MDGA2: variants seen among roughly 807,000 people sequenced by gnomAD.
MDGA2 encodes the protein MAM domain containing glycosylphosphatidylinositol anchor 2.
MDGA2 carries 40 observed loss-of-function variants against 117.8 expected under a neutral mutation model. The observed-to-expected ratio is 0.34, with a 90% CI of 0.26 to 0.44. The LOEUF is 0.44. Among genes scored for constraint, MDGA2 ranks in the 20% least tolerant of loss-of-function variants. The probability of loss-of-function intolerance (pLI) is 1.00; values close to 1 mark genes in which losing one functional copy is unlikely to be tolerated. For synonymous variants in MDGA2, 452 were observed against 439.0 expected (o/e 1.03, Z -0.37); for missense variants, 1,123 against 1,250.6 (o/e 0.90, Z 1.54).
intron 10 of MDGA2, among the ~76,000 whole-genome samples, chr14:46,901,924 AG>A (rs1384996923): frequency 6.6e-6 from 1 of 152,146 alleles, no homozygotes; most frequent in African/African-American, 2.4e-5. Flanking sequence ...CATCATCATG[AG>A]GAATATTGCT....
rs1337767191 is a variant in MDGA2, at chr14:47,320,661, C to A, written c.281-19111G>T. On this transcript the variant is annotated intron_variant, in intron 1 of 16. Transcript: ENST00000399232. ...GTGTGATGAATAATGATGCTCTCAACCTTCCAAATACTAATAAAGAGAAAC... is the reference window on the plus strand; with the variant it reads ...GTGTGATGAATAATGATGCTCTCAAACTTCCAAATACTAATAAAGAGAAAC... Among the ~76,000 whole-genome samples, 3 of 152,184 alleles carry A rather than the reference C, an allele frequency of 2.0e-5. No individual in the cohort carries two copies. In the East Asian group the frequency reaches 5.8e-4, roughly 29 times the overall value.
intron 1 of MDGA2, among the ~76,000 whole-genome samples, chr14:47,565,820 AG>A (rs1895906777): frequency 6.6e-6 from 1 of 152,182 alleles, no homozygotes; most frequent in Non-Finnish European, 1.5e-5. Context: ...TGGCAGGTGT[AG>A]GGCTGGCAAT....
rs557070916 is a variant in MDGA2, at chr14:47,282,612, G to C, written c.420+18799C>G. Reference sequence around the variant, plus strand: ...ATTCGGGAGGCTGAGGCAGGAGAATGGAGTGAACCAGGGAGGTGGAGCTTC... The same window carrying C: ...ATTCGGGAGGCTGAGGCAGGAGAATCGAGTGAACCAGGGAGGTGGAGCTTC... On this transcript the variant is annotated intron_variant, in intron 2 of 16. Transcript: ENST00000399232. 2.0e-5 allele frequency among the ~76,000 whole-genome samples: 3 copies of C among 152,102 alleles called. No homozygotes were observed. In the South Asian group the frequency reaches 6.2e-4, roughly 32 times the overall value.
chr14:47,013,767 T>C (rs1887976889), intron 8 of MDGA2, among the ~76,000 whole-genome samples: 1 of 83,296 alleles, frequency 1.2e-5, no homozygotes, highest in Non-Finnish European at 2.4e-5. Flanking sequence ...AACATTAATT[T>C]CCTTGTATAT....
chr14:46,936,658 A>C (rs1884792288), intron 9 of MDGA2, among the ~76,000 whole-genome samples: 1 of 152,110 alleles, frequency 6.6e-6, no homozygotes, highest in Non-Finnish European at 1.5e-5. Context: ...CATCAACAGG[A>C]TAAAGGACAA....
intron 1 of MDGA2, among the ~76,000 whole-genome samples, chr14:47,422,241 GAACTAT>G (rs1290577506): frequency 1.3e-5 from 2 of 152,048 alleles, no homozygotes; most frequent in Non-Finnish European, 2.9e-5. Context: ...GACTAAAAAG[GAACTAT>G]GAGTGCTAAT....
At chr14:47,027,928 G>A (rs187572886) in intron 8 of MDGA2, among the ~76,000 whole-genome samples, 2 of 151,988 alleles carry the variant, frequency 1.3e-5, no homozygotes, top group East Asian at 1.9e-4. Flanking sequence ...TATGTTGACT[G>A]GAAATAATAA....
intron 5 of MDGA2, among the ~76,000 whole-genome samples, chr14:47,126,563 A>T (rs915409792): frequency 4.6e-5 from 7 of 152,130 alleles, no homozygotes; most frequent in African/African-American, 1.7e-4. Context: ...AGGAAAGTTA[A>T]GAAACCACAT....
intron 1 of MDGA2, among the ~76,000 whole-genome samples, chr14:47,650,762 T>C (rs1054440061): frequency 1.3e-5 from 2 of 152,320 alleles, no homozygotes; most frequent in Non-Finnish European, 2.9e-5. Context: ...ATGATAATCA[T>C]ACAAATGCAC....
intron 2 of MDGA2, among the ~76,000 whole-genome samples, chr14:47,290,408 C>T (rs1157881125): frequency 6.6e-6 from 1 of 152,030 alleles, no homozygotes; most frequent in Non-Finnish European, 1.5e-5. Flanking sequence ...GATTTCTCAG[C>T]CCCCAGGACT....
chr14:47,377,195 T>C (rs1891497704), intron 1 of MDGA2, among the ~76,000 whole-genome samples: 1 of 152,078 alleles, frequency 6.6e-6, no homozygotes, highest in Non-Finnish European at 1.5e-5. Flanking sequence ...AAACAGAGGA[T>C]TCATAAGATT....
At chr14:47,431,555 G>C (rs1892800412) in intron 1 of MDGA2, among the ~76,000 whole-genome samples, 1 of 151,986 alleles carries the variant, frequency 6.6e-6, no homozygotes, top group Non-Finnish European at 1.5e-5. Flanking sequence ...ACTTACAAGA[G>C]GTAAATCCAG....
chr14:46,863,952 T>A (rs1881614593), intron 14 of MDGA2, among the ~76,000 whole-genome samples: 1 of 152,104 alleles, frequency 6.6e-6, no homozygotes, highest in Non-Finnish European at 1.5e-5. Flanking sequence ...CAATTTTAAA[T>A]TCATCTCATT....
chr14:46,957,313 G>T, intron 9 of MDGA2, 61 bp downstream of exon 9: 3 of 1,499,650 alleles, frequency 2.0e-6, no homozygotes, highest in East Asian at 2.3e-5. Flanking sequence ...ATTGACATAG[G>T]TCTAAGATCT....
At chr14:47,153,915 T>C (rs1206021837) in intron 3 of MDGA2, among the ~76,000 whole-genome samples, 1 of 152,172 alleles carries the variant, frequency 6.6e-6, no homozygotes, top group African/African-American at 2.4e-5. Context: ...AATAGATCAC[T>C]GGGGACCTTT....
chr14:47,460,832 G>A (rs1893467886), intron 1 of MDGA2, among the ~76,000 whole-genome samples: 1 of 152,044 alleles, frequency 6.6e-6, no homozygotes, highest in African/African-American at 2.4e-5. Flanking sequence ...AAACCACACA[G>A]GCCAATAAGT....
chr14:47,269,686 T>G (rs999294401), intron 2 of MDGA2, among the ~76,000 whole-genome samples: 2 of 152,188 alleles, frequency 1.3e-5, no homozygotes, highest in African/African-American at 4.8e-5. Flanking sequence ...AGGCTCTTAC[T>G]CAGAGCATAA....
intron 7 of MDGA2, among the ~76,000 whole-genome samples, chr14:47,046,325 A>C (rs1341815856): frequency 1.3e-5 from 2 of 152,078 alleles, no homozygotes; most frequent in South Asian, 2.1e-4. Context: ...TAACTTTCTT[A>C]ATCAAGTTTT....
intron 1 of MDGA2, among the ~76,000 whole-genome samples, chr14:47,565,308 T>C (rs761857149): frequency 5.9e-5 from 9 of 152,206 alleles, no homozygotes; most frequent in Admixed American, 1.3e-4. Flanking sequence ...TTTGTTTTGT[T>C]TGCTTTTCTA....
Sources: allele counts gnomAD v4.1 joint callset (sites outside exome capture counted in the v4.1 genomes callset), GRCh38; gene constraint gnomAD v4.1.1; transcripts MANE v1.5; gene names NCBI Gene and HGNC (gene_info 2026-07-23, HGNC 2026-07-21).